The following FARS2 variants were observed in gnomAD, a reference collection of about 807,000 sequenced individuals.
The protein encoded by FARS2 is phenylalanyl-tRNA synthetase 2, mitochondrial, also known as phenylalanine--tRNA ligase, mitochondrial.
FARS2 carries 40 observed loss-of-function variants against 46.4 expected under a neutral mutation model. The ratio of observed to expected loss-of-function variants is 0.86; its 90% CI spans 0.67 to 1.12. The LOEUF (loss-of-function observed/expected upper bound fraction) is 1.12, where lower values mean the gene tolerates loss of function less well. Ranked by LOEUF, FARS2 falls within the 50% of genes most tolerant of loss-of-function variation. FARS2 has a pLI of 0.00. For synonymous variants in FARS2, 234 were observed against 214.9 expected, an observed-to-expected ratio of 1.09 and a Z score of -0.78; for missense variants, 513 against 567.9, an observed-to-expected ratio of 0.90 and a Z score of 0.98.
At chr6:5,490,816 C>T (rs993162942) in intron 4 of FARS2, among the ~76,000 whole-genome samples, 2 of 152,210 alleles carry the variant, frequency 1.3e-5, no homozygotes, top group Non-Finnish European at 2.9e-5. Context: ...GAAACTGGTA[C>T]TGCCTACTCA....
chr6:5,523,835 C>G lies in FARS2; in HGVS notation c.905-21345C>G, dbSNP rs1258235700. On this transcript the variant is annotated intron_variant, in intron 4 of 6. Coordinates refer to ENST00000274680, the MANE Select transcript of FARS2 (RefSeq NM_006567.5). Reference sequence around the variant, plus strand: ...GATGATGGTTAGTCTCTAGGTCCCTCAAATCCAAGGAGACACATGCAAAGT... The same window carrying G: ...GATGATGGTTAGTCTCTAGGTCCCTGAAATCCAAGGAGACACATGCAAAGT... 2.6e-5 allele frequency among the ~76,000 whole-genome samples: 4 copies of G among 152,316 alleles called. No homozygotes were observed. In the East Asian group the frequency reaches 5.8e-4, roughly 22 times the overall value.
At chr6:5,319,804 G>A (rs1769838042) in intron 1 of FARS2, among the ~76,000 whole-genome samples, 1 of 152,176 alleles carries the variant, frequency 6.6e-6, no homozygotes, top group African/African-American at 2.4e-5. Context: ...CAGCTTAAAG[G>A]GAGACAAGAA....
intron 4 of FARS2, among the ~76,000 whole-genome samples, chr6:5,464,851 A>G (rs1490109040): frequency 6.6e-6 from 1 of 152,220 alleles, no homozygotes; most frequent in African/African-American, 2.4e-5. Context: ...TAATGAAATC[A>G]CATCTTAACA....
At chr6:5,580,454 G>A (rs1335237832) in intron 5 of FARS2, among the ~76,000 whole-genome samples, 2 of 152,092 alleles carry the variant, frequency 1.3e-5, no homozygotes, top group African/African-American at 4.8e-5. Flanking sequence ...CTGTAGTCTG[G>A]TCAACCAGAA....
chr6:5,698,835 G>T (rs1445499205), intron 6 of FARS2, among the ~76,000 whole-genome samples: 1 of 152,178 alleles, frequency 6.6e-6, no homozygotes. Context: ...CCATGTGTGG[G>T]TGGGGTGCCC....
intron 6 of FARS2, among the ~76,000 whole-genome samples, chr6:5,762,947 T>G (rs955841565): frequency 6.6e-6 from 1 of 152,134 alleles, no homozygotes; most frequent in South Asian, 2.1e-4. Flanking sequence ...GGACAGACCG[T>G]TGTGAGAACG....
intron 4 of FARS2, among the ~76,000 whole-genome samples, chr6:5,476,462 C>CT (rs954000283): frequency 1.3e-5 from 2 of 152,124 alleles, no homozygotes; most frequent in African/African-American, 4.8e-5. Context: ...ACTTACCTGT[C>CT]TTGTTAACTG....
intron 4 of FARS2, among the ~76,000 whole-genome samples, chr6:5,506,833 G>A (rs1285303421): frequency 2.0e-5 from 3 of 152,180 alleles, no homozygotes; most frequent in Non-Finnish European, 4.4e-5. Flanking sequence ...AGATAGCAGG[G>A]GAAATCTGAC....
intron 3 of FARS2, among the ~76,000 whole-genome samples, chr6:5,418,481 C>T (rs867480907): frequency 1.3e-5 from 2 of 152,164 alleles, no homozygotes; most frequent in African/African-American, 4.8e-5. Flanking sequence ...ACCGATAACC[C>T]GTGAATTATG....
intron 6 of FARS2, among the ~76,000 whole-genome samples, chr6:5,747,637 G>A (rs1235888587): frequency 1.3e-5 from 2 of 152,182 alleles, no homozygotes; most frequent in Non-Finnish European, 2.9e-5. Flanking sequence ...CTTAGAGGCT[G>A]GATGCCACAA....
At chr6:5,315,741 C>CTTTCTTTCTTCCTTTCTTT (rs755531154) in intron 1 of FARS2, among the ~76,000 whole-genome samples, 1 of 60,004 alleles carries the variant, frequency 1.7e-5, no homozygotes, top group Non-Finnish European at 4.1e-5. Context: ...TTTCTTTTTT[C>CTTTCTTTCTTCCTTTCTTT]CTTTCTTTCT....
chr6:5,707,891 A>G (rs1212849755), intron 6 of FARS2, among the ~76,000 whole-genome samples: 4 of 152,354 alleles, frequency 2.6e-5, no homozygotes, highest in African/African-American at 9.6e-5. Flanking sequence ...TTGAACAAGC[A>G]GCGGGGTGCC....
At chr6:5,645,326 G>T (rs1338539716) in intron 6 of FARS2, among the ~76,000 whole-genome samples, 1 of 152,166 alleles carries the variant, frequency 6.6e-6, no homozygotes, top group African/African-American at 2.4e-5. Flanking sequence ...TGCGTCTGTT[G>T]TTATTTTAGA....
At chr6:5,550,236 G>A (rs1021564068) in intron 5 of FARS2, among the ~76,000 whole-genome samples, 1 of 152,138 alleles carries the variant, frequency 6.6e-6, no homozygotes, top group African/African-American at 2.4e-5. Context: ...TCACCCATTT[G>A]ACCTGTATTT....
chr6:5,559,225 A>G (rs1240504034), intron 5 of FARS2, among the ~76,000 whole-genome samples: 1 of 152,154 alleles, frequency 6.6e-6, no homozygotes, highest in African/African-American at 2.4e-5. Flanking sequence ...CAACATAGAG[A>G]GACCCCGTCT....
intron 5 of FARS2, among the ~76,000 whole-genome samples, chr6:5,583,917 T>A (rs1773470181): frequency 6.6e-6 from 1 of 152,212 alleles, no homozygotes; most frequent in South Asian, 2.1e-4. Flanking sequence ...CATTTTGCAC[T>A]TACTTCCTGA....
chr6:5,458,474 G>A (rs1036979204), intron 4 of FARS2, among the ~76,000 whole-genome samples: 5 of 152,272 alleles, frequency 3.3e-5, no homozygotes, highest in Non-Finnish European at 7.4e-5. Flanking sequence ...CAAATGGGAA[G>A]AGCAGGAGGT....
intron 3 of FARS2, among the ~76,000 whole-genome samples, chr6:5,415,310 C>CTTTTTT (rs773981175): frequency 5.6e-4 from 30 of 53,644 alleles, no homozygotes; most frequent in African/African-American, 1.4e-3. Flanking sequence ...CTTTTCTTTT[C>CTTTTTT]TTTTTTTTTT....
chr6:5,373,505 A>T (rs1759186818), intron 2 of FARS2, among the ~76,000 whole-genome samples: 1 of 152,166 alleles, frequency 6.6e-6, no homozygotes, highest in Non-Finnish European at 1.5e-5. Context: ...TAGCAGGTCT[A>T]CTGGAGGTGT....
Sources: allele counts gnomAD v4.1 joint callset (sites outside exome capture counted in the v4.1 genomes callset), GRCh38; gene constraint gnomAD v4.1.1; transcripts MANE v1.5; gene names NCBI Gene and HGNC (gene_info 2026-07-23, HGNC 2026-07-21).